The following FSTL5 variants were observed in gnomAD, a reference collection of about 807,000 sequenced individuals.
FSTL5 encodes follistatin like 5, also known as follistatin-related protein 5.
A neutral mutation model predicts 89.1 loss-of-function variants in FSTL5; 62 were observed. That is an observed-to-expected ratio of 0.70 (90% CI 0.57 to 0.86). The LOEUF is 0.86. FSTL5 is among the 40% of genes least tolerant of loss of function. The pLI is 0.00. For missense variants in FSTL5, 1,057 were observed against 1,001.6 expected (o/e 1.06, Z -0.75); for synonymous variants, 383 against 346.2 (o/e 1.11, Z -1.18).
chr4:161,571,023 A>G (rs1465672154), intron 8 of FSTL5, among the ~76,000 whole-genome samples: 1 of 152,024 alleles, frequency 6.6e-6, no homozygotes, highest in Non-Finnish European at 1.5e-5. Context: ...AGGCTGAGGC[A>G]GGAGAATCAC....
chr4:161,700,504 G>A (rs1202797379), intron 6 of FSTL5, among the ~76,000 whole-genome samples: 2 of 150,410 alleles, frequency 1.3e-5, no homozygotes, highest in Admixed American at 6.7e-5. Flanking sequence ...AATTGTTATC[G>A]ATTTATTTAT....
Position 161,394,213 on chromosome 4 carries a change from T to C in FSTL5, c.1842-7764A>G, listed in dbSNP as rs557398181. On this transcript the variant is annotated intron_variant, in intron 15 of 15. Transcript: ENST00000306100. ...AAATGAATATTTAGGTAACATTTTC[T>C]TACTTCTGGTAAAGTTTTAGAAAAT... is the stretch of plus-strand genomic sequence containing the variant. Among the ~76,000 whole-genome samples the C allele has an allele frequency of 2.6e-5, 4 of 152,318 alleles. No individual in the cohort carries two copies. In the East Asian group the frequency reaches 5.8e-4, roughly 22 times the overall value.
chr4:162,018,896 T>A (rs1736992677), intron 3 of FSTL5, among the ~76,000 whole-genome samples: 1 of 152,176 alleles, frequency 6.6e-6, no homozygotes, highest in African/African-American at 2.4e-5. Flanking sequence ...AATTACAAAC[T>A]TTGGAAACAA....
chr4:161,992,880 ATATATATATATATATATGTG>A (rs1560957447), intron 3 of FSTL5, among the ~76,000 whole-genome samples: 3 of 12,884 alleles, frequency 2.3e-4, no homozygotes, highest in African/African-American at 6.2e-4. Context: ...ATATATATAT[ATATATATATATATATATGTG>A]TGTGTATATA....
At chr4:161,805,125 C>A (rs1254573789) in intron 4 of FSTL5, among the ~76,000 whole-genome samples, 1 of 152,090 alleles carries the variant, frequency 6.6e-6, no homozygotes, top group Non-Finnish European at 1.5e-5. Context: ...ACTCACACTT[C>A]AATACCTTCC....
intron 6 of FSTL5, among the ~76,000 whole-genome samples, chr4:161,661,695 T>C (rs890500132): frequency 4.6e-5 from 7 of 152,300 alleles, no homozygotes; most frequent in Non-Finnish European, 4.4e-5. Context: ...ATGAAATGCT[T>C]AGAATCTTCG....
At chr4:161,937,728 C>T (rs986550348) in intron 3 of FSTL5, among the ~76,000 whole-genome samples, 9 of 152,070 alleles carry the variant, frequency 5.9e-5, no homozygotes, top group Non-Finnish European at 1.2e-4. Flanking sequence ...ATTTTTCTCC[C>T]CAAAGAGGTA....
chr4:161,999,154 A>G (rs1736388351), intron 3 of FSTL5, among the ~76,000 whole-genome samples: 2 of 152,202 alleles, frequency 1.3e-5, no homozygotes, highest in Admixed American at 6.5e-5. Context: ...TTTAAAAAAT[A>G]CATTAATTTT....
chr4:161,454,661 T>A (rs1733285764), intron 15 of FSTL5, among the ~76,000 whole-genome samples: 4 of 152,250 alleles, frequency 2.6e-5, no homozygotes. Flanking sequence ...TGATTTTATC[T>A]TTTAAATTAG....
chr4:161,954,698 C>G (rs949127792), intron 3 of FSTL5, among the ~76,000 whole-genome samples: 3 of 151,638 alleles, frequency 2.0e-5, no homozygotes, highest in African/African-American at 7.2e-5. Flanking sequence ...TTCCTTCCTT[C>G]TTTTATCACA....
At chr4:161,968,382 T>G (rs6833378) in intron 3 of FSTL5, among the ~76,000 whole-genome samples, 1 of 152,108 alleles carries the variant, frequency 6.6e-6, no homozygotes, top group Non-Finnish European at 1.5e-5. Context: ...ATCTTTGTGA[T>G]AACTATGTCT....
At chr4:162,084,424 A>G (rs1359034787) in intron 2 of FSTL5, among the ~76,000 whole-genome samples, 2 of 152,060 alleles carry the variant, frequency 1.3e-5, no homozygotes, top group Non-Finnish European at 2.9e-5. Flanking sequence ...CATGACCCAA[A>G]TATCAGTATA....
At chr4:161,753,965 C>G (rs1254976848) in intron 6 of FSTL5, among the ~76,000 whole-genome samples, 1 of 144,304 alleles carries the variant, frequency 6.9e-6, no homozygotes, top group Non-Finnish European at 1.5e-5. Context: ...TGGTGTGAAC[C>G]CGGGAGGCGG....
intron 4 of FSTL5, among the ~76,000 whole-genome samples, chr4:161,854,603 G>T (rs1263490833): frequency 6.6e-6 from 1 of 152,164 alleles, no homozygotes; most frequent in East Asian, 1.9e-4. Flanking sequence ...TAATTTTGTA[G>T]ATTCTTTAGT....
chr4:161,919,560 T>C (rs1351774685), intron 4 of FSTL5, among the ~76,000 whole-genome samples: 8 of 152,176 alleles, frequency 5.3e-5, no homozygotes, highest in Admixed American at 5.2e-4. Context: ...GGTTTTTAAG[T>C]GTAAATACGT....
At chr4:161,965,572 G>C (rs542100215) in intron 3 of FSTL5, among the ~76,000 whole-genome samples, 33 of 152,208 alleles carry the variant, frequency 2.2e-4, no homozygotes, top group Admixed American at 6.6e-4. Context: ...TTCATGTCTA[G>C]TAGAAATGAA....
chr4:161,695,552 G>A (rs1738124424), intron 6 of FSTL5, among the ~76,000 whole-genome samples: 1 of 151,498 alleles, frequency 6.6e-6, no homozygotes, highest in Non-Finnish European at 1.5e-5. Flanking sequence ...CCATGTTTTT[G>A]CAATTGCAAA....
At chr4:161,481,639 T>C (rs1729514354) in intron 12 of FSTL5, among the ~76,000 whole-genome samples, 1 of 152,216 alleles carries the variant, frequency 6.6e-6, no homozygotes, top group Non-Finnish European at 1.5e-5. Context: ...TTTTAATTTG[T>C]AATAAATCAG....
chr4:161,672,719 C>G (rs555948911), intron 6 of FSTL5, among the ~76,000 whole-genome samples: 3 of 141,400 alleles, frequency 2.1e-5, no homozygotes, highest in African/African-American at 8.1e-5. Context: ...AAAAAAAAAA[C>G]CCAAAAATCT....
Sources: allele counts gnomAD v4.1 joint callset (sites outside exome capture counted in the v4.1 genomes callset), GRCh38; gene constraint gnomAD v4.1.1; transcripts MANE v1.5; gene names NCBI Gene and HGNC (gene_info 2026-07-23, HGNC 2026-07-21).